IPO11: variants seen among roughly 807,000 people sequenced by gnomAD.
IPO11 encodes the protein importin-11.
Under a neutral mutation model 143.2 loss-of-function variants are expected in IPO11, and 66 were observed. That is an observed-to-expected ratio of 0.46 (90% CI 0.38 to 0.57). The LOEUF is 0.57. IPO11 is among the 20% of genes least tolerant of loss of function. The pLI, the probability that IPO11 is intolerant of heterozygous loss-of-function variation, is 0.00. For missense variants in IPO11, 1,026 were observed against 1,141.0 expected (o/e 0.90, Z 1.45); for synonymous variants, 385 against 377.8 (o/e 1.02, Z -0.22).
rs932208818 is a variant in IPO11 at position 62,496,016 on chromosome 5, G to T, written c.1590+1892G>T. 2.6e-5 allele frequency among the ~76,000 whole-genome samples: 4 copies of T among 152,182 alleles called. No individual in the cohort carries two copies. In the South Asian group the frequency reaches 8.3e-4, roughly 32 times the overall value. Reference sequence around the variant, plus strand: ...TTAAAAATGTGCATTTGTGGCATGCGTGGTGACTCACGCCTATAATCCCAG... The same window carrying T: ...TTAAAAATGTGCATTTGTGGCATGCTTGGTGACTCACGCCTATAATCCCAG... On this transcript the variant is annotated intron_variant, in intron 16 of 29. Transcript: ENST00000325324.
At chr5:62,612,886 C>T (rs1292609950) in intron 29 of IPO11, among the ~76,000 whole-genome samples, 1 of 152,206 alleles carries the variant, frequency 6.6e-6, no homozygotes, top group Non-Finnish European at 1.5e-5. Context: ...CAAGTGCTGT[C>T]TTTATGTACT....
At chr5:62,428,702 T>A (rs189727759) in intron 1 of IPO11, among the ~76,000 whole-genome samples, 64 of 152,236 alleles carry the variant, frequency 4.2e-4, no homozygotes, top group African/African-American at 1.4e-3. Flanking sequence ...TCTCACTTTG[T>A]CGCCTGGGCT....
intron 6 of IPO11, among the ~76,000 whole-genome samples, chr5:62,469,348 A>G (rs1745686660): frequency 6.6e-6 from 1 of 152,260 alleles, no homozygotes; most frequent in Non-Finnish European, 1.5e-5. Flanking sequence ...AGACAGCTAC[A>G]TTCTAAACTT....
chr5:62,441,905 G>GC (rs760581850), intron 2 of IPO11, among the ~76,000 whole-genome samples: 13 of 151,468 alleles, frequency 8.6e-5, no homozygotes, highest in Admixed American at 1.3e-4. Context: ...GAGCACAGTG[G>GC]CGCGATCTCG....
At chr5:62,598,398 T>G (rs1168106261) in intron 28 of IPO11, among the ~76,000 whole-genome samples, 1 of 9,214 alleles carries the variant, frequency 1.1e-4, no homozygotes, top group Admixed American at 1.3e-3. Flanking sequence ...CTTGCTTTCT[T>G]TCTTTCTTTC....
At chr5:62,447,108 TA>T (rs1031072064) in intron 3 of IPO11, among the ~76,000 whole-genome samples, 4 of 149,178 alleles carry the variant, frequency 2.7e-5, no homozygotes, top group African/African-American at 7.8e-5. Flanking sequence ...ATTATATATA[TA>T]TATTTTTTTT....
At chr5:62,510,726 G>A (rs1309763025) in intron 19 of IPO11, among the ~76,000 whole-genome samples, 4 of 152,020 alleles carry the variant, frequency 2.6e-5, no homozygotes, top group African/African-American at 7.2e-5. Context: ...ACAGCAGTCG[G>A]TGATTGATTT....
chr5:62,437,745 A>G (rs1744293886), intron 2 of IPO11, among the ~76,000 whole-genome samples: 1 of 152,144 alleles, frequency 6.6e-6, no homozygotes, highest in African/African-American at 2.4e-5. Flanking sequence ...ACCCCAGGTA[A>G]TTTATGTTGT....
chr5:62,560,231 A>G (rs893145081), intron 26 of IPO11, among the ~76,000 whole-genome samples: 1 of 152,186 alleles, frequency 6.6e-6, no homozygotes, highest in Non-Finnish European at 1.5e-5. Context: ...AGAAGCCATC[A>G]TATTGGATTA....
chr5:62,418,626 G>C (rs1743383910), intron 1 of IPO11, among the ~76,000 whole-genome samples: 1 of 152,206 alleles, frequency 6.6e-6, no homozygotes, highest in Non-Finnish European at 1.5e-5. Context: ...GCAGTTAGTG[G>C]AGACCTCTTT....
chr5:62,544,740 A>T (rs1743094465), intron 24 of IPO11, among the ~76,000 whole-genome samples: 1 of 152,202 alleles, frequency 6.6e-6, no homozygotes, highest in Admixed American at 6.5e-5. Context: ...GCTGATAAGC[A>T]ACTTCAGCAA....
Position 62,494,076 on chromosome 5 carries a change from C to T in IPO11, c.1542C>T (p.Pro514=). 1.9e-6 allele frequency: 3 copies of T among 1,612,832 alleles called. No homozygotes were observed. Among genetic ancestry groups the T allele is most frequent in the Non-Finnish European group, 2.5e-6 (3 of 1,179,318 alleles). Residue 514 remains proline (P), a synonymous_variant, in exon 16 of 30, where the codon CCC becomes CCT. Coordinates refer to ENST00000325324, the MANE Select transcript of IPO11 (RefSeq NM_016338.5). ...TGAAATTCAAGTCTGACTTAAGACC[C>T]ATGCTTTATGAAGCAATCTGTAACT... is the stretch of plus-strand genomic sequence containing the variant. ...ISVKFKSDLR[P]MLYEAICNLL... is the part of the protein sequence containing the mutation.
rs541592146 is a variant in IPO11 at position 62,500,101 on chromosome 5, A to G, written c.1591-4566A>G. 2.6e-5 allele frequency among the ~76,000 whole-genome samples: 4 copies of G among 152,294 alleles called. No individual in the cohort carries two copies. The East Asian group carries it at 7.7e-4, about 29-fold the overall frequency. On this transcript the variant is annotated intron_variant, in intron 16 of 29. Coordinates refer to ENST00000325324, the MANE Select transcript of IPO11 (RefSeq NM_016338.5). ...GGAATTCAATACCAGTTTGGGCAAC[A>G]TGATGAAACCCTGTCTCCACAAAAA... is the stretch of plus-strand genomic sequence containing the variant.
intron 19 of IPO11, among the ~76,000 whole-genome samples, chr5:62,514,196 C>G (rs901049731): frequency 6.6e-6 from 1 of 152,032 alleles, no homozygotes; most frequent in South Asian, 2.1e-4. Context: ...GGGTGGCGGC[C>G]GGGCAGGGGC....
chr5:62,556,297 T>G (rs32166), intron 26 of IPO11, among the ~76,000 whole-genome samples: 108,248 of 152,046 alleles, frequency 0.71, 39,227 homozygotes, highest in African/African-American at 0.85. Flanking sequence ...TGCTCTCCAG[T>G]CTGGGTGATA....
intron 24 of IPO11, among the ~76,000 whole-genome samples, chr5:62,547,647 G>A (rs1370823730): frequency 6.6e-6 from 1 of 151,874 alleles, no homozygotes; most frequent in Non-Finnish European, 1.5e-5. Flanking sequence ...TTGTGTATAC[G>A]ACTATGTTAT....
At chr5:62,484,414 A>C (rs1289653658) in intron 11 of IPO11, among the ~76,000 whole-genome samples, 2 of 152,158 alleles carry the variant, frequency 1.3e-5, no homozygotes, top group Non-Finnish European at 2.9e-5. Flanking sequence ...TCCTTTACAA[A>C]TATATCATGT....
intron 16 of IPO11, among the ~76,000 whole-genome samples, chr5:62,498,101 T>C (rs564201018): frequency 3.3e-5 from 5 of 152,296 alleles, no homozygotes; most frequent in East Asian, 1.9e-4. Flanking sequence ...TGCATTCTTA[T>C]AGCTTTCAAT....
intron 5 of IPO11, among the ~76,000 whole-genome samples, chr5:62,463,824 T>C (rs1259677852): frequency 6.6e-6 from 1 of 151,674 alleles, no homozygotes. Context: ...TTTACTTCTG[T>C]ATTTTTTTTT....
Sources: gnomAD v4.1 joint callset for allele counts (sites outside exome capture counted in the v4.1 genomes callset) on GRCh38, gnomAD v4.1.1 for gene constraint, MANE v1.5 for transcripts, NCBI Gene and HGNC (gene_info 2026-07-23, HGNC 2026-07-21) for gene names.